The following TULP4 variants were observed in gnomAD, a reference collection of about 807,000 sequenced individuals.
TULP4 encodes tubby-related protein 4.
TULP4 carries 16 observed loss-of-function variants against 129.0 expected under a neutral mutation model. That is an observed-to-expected ratio of 0.12 (90% CI 0.08 to 0.19). The LOEUF (loss-of-function observed/expected upper bound fraction) is 0.19. Among genes scored for constraint, TULP4 ranks in the 10% least tolerant of loss-of-function variants. The pLI, the probability that TULP4 is intolerant of heterozygous loss-of-function variation, is 1.00. For synonymous variants in TULP4, 998 were observed against 854.0 expected, an observed-to-expected ratio of 1.17 and a Z score of -2.94; for missense variants, 1,842 against 2,059.1, an observed-to-expected ratio of 0.89 and a Z score of 2.04.
intron 1 of TULP4, among the ~76,000 whole-genome samples, chr6:158,239,388 C>T (rs1358552458): frequency 7.6e-5 from 5 of 65,906 alleles, no homozygotes; most frequent in East Asian, 5.7e-4. Context: ...CCCTCCCGGA[C>T]GGGGCGGCTG....
intron 1 of TULP4, among the ~76,000 whole-genome samples, chr6:158,348,172 G>GTTTTTTTTTTTTTTTTTTT (rs1294845534): frequency 7.1e-5 from 4 of 56,548 alleles, no homozygotes; most frequent in Non-Finnish European, 1.2e-4. Flanking sequence ...TTTTTTTTAA[G>GTTTTTTTTTTTTTTTTTTT]GTTTTTTTTT....
At chr6:158,237,457 G>A (rs1413931895) in intron 1 of TULP4, 17 of 1,543,032 alleles carry the variant, frequency 1.1e-5, no homozygotes, top group South Asian at 2.2e-5. Flanking sequence ...AGATAGTGTC[G>A]CTGCACTGCC....
At chr6:158,326,766 C>CT (rs1425894787) in intron 1 of TULP4, among the ~76,000 whole-genome samples, 1 of 152,176 alleles carries the variant, frequency 6.6e-6, no homozygotes, top group African/African-American at 2.4e-5. Context: ...AGCTCCATCA[C>CT]TTAGTAATGC....
intron 9 of TULP4, among the ~76,000 whole-genome samples, chr6:158,491,390 G>GT (rs1030095627): frequency 1.4e-5 from 2 of 146,768 alleles, no homozygotes; most frequent in Non-Finnish European, 3.0e-5. Context: ...AGTTATAAGA[G>GT]TTCTTTCTTT....
At chr6:158,280,306 T>A (rs1449398325), upstream of TULP4, among the ~76,000 whole-genome samples, 1 of 152,250 alleles carries the variant, frequency 6.6e-6, no homozygotes, top group African/African-American at 2.4e-5. Flanking sequence ...TATCTTTTTT[T>A]AATTGCCTTT....
At chr6:158,339,219 G>A (rs1311991817) in intron 1 of TULP4, among the ~76,000 whole-genome samples, 3 of 152,156 alleles carry the variant, frequency 2.0e-5, no homozygotes, top group Non-Finnish European at 4.4e-5. Flanking sequence ...ATGCCCCCGA[G>A]CCGTAAAACC....
chr6:158,309,644 C>T (rs1293580548), upstream of TULP4, among the ~76,000 whole-genome samples: 2 of 152,164 alleles, frequency 1.3e-5, no homozygotes, highest in Non-Finnish European at 2.9e-5. Flanking sequence ...ATCCCGGCAC[C>T]TCGGGAGGCT....
intron 8 of TULP4, among the ~76,000 whole-genome samples, chr6:158,484,909 A>G (rs189385279): frequency 6.6e-6 from 1 of 152,400 alleles, no homozygotes; most frequent in African/African-American, 2.4e-5. Flanking sequence ...TGACTAATAC[A>G]GATTTTGGAT....
chr6:158,510,556 G>A lies in TULP4; in HGVS notation c.*3862G>A, dbSNP rs942941462. The A allele has an allele frequency of 3.9e-5, 6 of 152,192 alleles. No individual in the cohort carries two copies. In the East Asian group the frequency reaches 1.2e-3, roughly 29 times the overall value. 9.4% of individuals were successfully genotyped at this position (152,192 alleles called of 1,614,324 possible). A position where few individuals can be genotyped will look rare whatever the true frequency, so the allele number is the denominator to read the frequency against. Reference sequence around the variant, plus strand: ...TATTTCACACCATTGCCTTTGTGTAGAGAAATATTTCTTTTCCTGTGTTAA... The same window carrying A: ...TATTTCACACCATTGCCTTTGTGTAAAGAAATATTTCTTTTCCTGTGTTAA... On this transcript the variant is annotated 3_prime_UTR_variant, in exon 14 of 14. Coordinates refer to ENST00000367097, the MANE Select transcript of TULP4 (RefSeq NM_020245.5).
intron 3 of TULP4, among the ~76,000 whole-genome samples, chr6:158,446,159 G>T (rs756724839): frequency 2.6e-5 from 4 of 152,144 alleles, no homozygotes; most frequent in Non-Finnish European, 5.9e-5. Context: ...AAGTGATTAG[G>T]CATGAAAAGA....
At chr6:158,332,747 C>T (rs1482561434) in intron 1 of TULP4, among the ~76,000 whole-genome samples, 1 of 152,122 alleles carries the variant, frequency 6.6e-6, no homozygotes, top group Non-Finnish European at 1.5e-5. Flanking sequence ...ATGGCATCTT[C>T]CACTCTGAAG....
chr6:158,437,305 T>TA (rs1424390437), intron 3 of TULP4, among the ~76,000 whole-genome samples: 1 of 152,248 alleles, frequency 6.6e-6, no homozygotes, highest in African/African-American at 2.4e-5. Context: ...ATCATGCCTG[T>TA]AATCTTAGCA....
chr6:158,438,668 T>A (rs1176031284), intron 3 of TULP4, among the ~76,000 whole-genome samples: 1 of 152,076 alleles, frequency 6.6e-6, no homozygotes, highest in Non-Finnish European at 1.5e-5. Context: ...CACTGCAACC[T>A]CCATCTCCTG....
chr6:158,498,883 G>A, intron 12 of TULP4, 71 bp downstream of exon 12: 1 of 1,567,940 alleles, frequency 6.4e-7, no homozygotes, highest in Non-Finnish European at 8.7e-7. Flanking sequence ...GGACAGAGCG[G>A]CAAGTTGTTG....
intron 3 of TULP4, among the ~76,000 whole-genome samples, chr6:158,438,469 G>GA (rs1185703014): frequency 1.3e-5 from 2 of 152,214 alleles, no homozygotes; most frequent in Non-Finnish European, 2.9e-5. Flanking sequence ...TTCCTGCTGA[G>GA]GGCTTCCTTT....
intron 1 of TULP4, among the ~76,000 whole-genome samples, chr6:158,234,289 C>T (rs1052204823): frequency 2.6e-5 from 4 of 152,042 alleles, no homozygotes; most frequent in African/African-American, 9.7e-5. Flanking sequence ...GTACCTGAAG[C>T]CTGTTTTAAA....
chr6:158,409,917 A>G (rs924026031), intron 1 of TULP4, among the ~76,000 whole-genome samples: 1 of 151,718 alleles, frequency 6.6e-6, no homozygotes, highest in Non-Finnish European at 1.5e-5. Flanking sequence ...GTGCAGTGGC[A>G]TGATCTCGGC....
At chr6:158,234,486 C>T (rs951639202) in intron 1 of TULP4, among the ~76,000 whole-genome samples, 2 of 152,168 alleles carry the variant, frequency 1.3e-5, no homozygotes, top group Non-Finnish European at 2.9e-5. Flanking sequence ...GGAGTGGCTA[C>T]CATGTGCATG....
chr6:158,293,479 A>C (rs917442313), intron 1 of TULP4, among the ~76,000 whole-genome samples: 13 of 152,266 alleles, frequency 8.5e-5, no homozygotes, highest in Non-Finnish European at 1.3e-4. Flanking sequence ...GGAGTAAAAC[A>C]TAGCCTCTGT....
Sources: gnomAD v4.1 joint callset for allele counts (sites outside exome capture counted in the v4.1 genomes callset) on GRCh38, gnomAD v4.1.1 for gene constraint, MANE v1.5 for transcripts, NCBI Gene and HGNC (gene_info 2026-07-23, HGNC 2026-07-21) for gene names.